Variants in DPP6 observed in about 807,000 individuals in gnomAD.
DPP6 encodes the protein dipeptidyl peptidase like 6, also known as A-type potassium channel modulatory protein DPP6.
A neutral mutation model predicts 122.6 loss-of-function variants in DPP6; 69 were observed. The observed-to-expected ratio is 0.56, with a 90% CI of 0.46 to 0.69. The LOEUF is 0.69. Among genes scored for constraint, DPP6 ranks in the 30% least tolerant of loss-of-function variants. DPP6 has a pLI of 0.00. For missense variants in DPP6, 928 were observed against 1,116.9 expected (o/e 0.83, Z 2.41); for synonymous variants, 418 against 433.1 (o/e 0.97, Z 0.43).
At chr7:153,881,456 A>C in the DPP6 span, among the ~76,000 whole-genome samples, 1 of 152,238 alleles carries the variant, frequency 6.6e-6, no homozygotes, top group Non-Finnish European at 1.5e-5. Flanking sequence ...TGGATGATCT[A>C]TAAATGGCTC....
In DPP6 at chr7:154,217,974, T is replaced by G. The variant is rs192118596; in HGVS notation, c.243+164911T>G. 1.5e-3 allele frequency among the ~76,000 whole-genome samples: 223 copies of G among 152,348 alleles called. 1 individual carries two copies. Among genetic ancestry groups the G allele is most frequent in the African/African-American group, 5.1e-3 (212 of 41,580 alleles). ...CTGTGATTCTGCGTCCTCCCTCTAC[T>G]GTGGTTTCCTGTCTCTGAAACCTTA... On this transcript the variant is annotated intron_variant, in intron 1 of 25. Coordinates refer to ENST00000377770, the MANE Select transcript of DPP6 (RefSeq NM_130797.4).
intron 1 of DPP6, among the ~76,000 whole-genome samples, chr7:154,273,535 A>G (rs1803933096): frequency 6.6e-6 from 1 of 152,190 alleles, no homozygotes; most frequent in Non-Finnish European, 1.5e-5. Context: ...ATACAGTCTT[A>G]TGGATGGGTT....
chr7:154,717,369 C>T (rs60230318), intron 7 of DPP6, among the ~76,000 whole-genome samples: 2,251 of 151,416 alleles, frequency 0.015, 44 homozygotes, highest in African/African-American at 0.052. Context: ...CCCCATTACC[C>T]ACTTGCACAC....
At chr7:154,598,144 A>G (rs758699059) in intron 5 of DPP6, among the ~76,000 whole-genome samples, 17 of 152,234 alleles carry the variant, frequency 1.1e-4, no homozygotes, top group Non-Finnish European at 2.4e-4. Context: ...ACAGACTTCT[A>G]TTAAAACAAT....
At chr7:154,382,072 CCT>C (rs1813665748) in intron 1 of DPP6, among the ~76,000 whole-genome samples, 1 of 57,938 alleles carries the variant, frequency 1.7e-5, no homozygotes, top group Admixed American at 2.2e-4. Context: ...CTTTTTTTTT[CCT>C]TTTTTTTTTT....
intron 16 of DPP6, among the ~76,000 whole-genome samples, chr7:154,840,116 T>G (rs368814899): frequency 3.9e-5 from 6 of 152,122 alleles, no homozygotes; most frequent in African/African-American, 1.4e-4. Flanking sequence ...GAAAAGCAGG[T>G]GATTTTGTAT....
chr7:153,781,994 A>G, the DPP6 span, among the ~76,000 whole-genome samples: 741 of 118,652 alleles, frequency 6.2e-3, 52 homozygotes, highest in African/African-American at 0.022. Context: ...ACACACACAC[A>G]CACACACACA....
chr7:154,568,742 C>T (rs1830926614), intron 5 of DPP6, among the ~76,000 whole-genome samples: 1 of 152,134 alleles, frequency 6.6e-6, no homozygotes, highest in Non-Finnish European at 1.5e-5. Context: ...CACTGGGCAG[C>T]ATCTGTCGGT....
At chr7:153,774,834 A>G in the DPP6 span, among the ~76,000 whole-genome samples, 21 of 152,052 alleles carry the variant, frequency 1.4e-4, no homozygotes, top group Admixed American at 1.4e-3. Context: ...ACGTGGTGAT[A>G]TGCACCCGCA....
At chr7:154,235,089 T>G (rs1226332780) in intron 1 of DPP6, among the ~76,000 whole-genome samples, 1 of 152,254 alleles carries the variant, frequency 6.6e-6, no homozygotes, top group Non-Finnish European at 1.5e-5. Flanking sequence ...TTGTTTAGCC[T>G]ATGCACAGAA....
the DPP6 span, among the ~76,000 whole-genome samples, chr7:153,856,054 T>A: frequency 6.6e-6 from 1 of 152,184 alleles, no homozygotes; most frequent in Non-Finnish European, 1.5e-5. Context: ...TCACATCATA[T>A]AAGCACAGCT....
chr7:153,927,952 G>T (rs1190144422), intron 1 of DPP6, among the ~76,000 whole-genome samples: 4 of 152,160 alleles, frequency 2.6e-5, no homozygotes, highest in African/African-American at 9.7e-5. Flanking sequence ...AGCTTCTGAA[G>T]ACCATGGGTT....
chr7:154,589,779 C>A (rs1048099916), intron 5 of DPP6, among the ~76,000 whole-genome samples: 1 of 152,236 alleles, frequency 6.6e-6, no homozygotes, highest in East Asian at 1.9e-4. Context: ...ACATCTTTAG[C>A]CTTCTTTGGC....
Position 154,806,979 on chromosome 7 carries a change from C to A in DPP6, c.1548-15C>A. 1.2e-6 allele frequency: 2 copies of A among 1,613,424 alleles called. No individual in the cohort carries two copies. The highest frequency in any genetic ancestry group is 2.2e-5 in the South Asian group (2 of 91,004). On this transcript the variant is annotated splice_polypyrimidine_tract_variant and intron_variant, in intron 15 of 25. Transcript: ENST00000377770. ...TCTCCGCCCACATTCACACCTGCGT[C>A]CTTTGCTCTTCCAGTGCCAACACGG... is the stretch of plus-strand genomic sequence containing the variant.
At chr7:153,843,217 A>C in the DPP6 span, among the ~76,000 whole-genome samples, 2 of 151,374 alleles carry the variant, frequency 1.3e-5, no homozygotes, top group Admixed American at 6.6e-5. Context: ...CACACACACA[A>C]ATGCATACAC....
At chr7:154,700,709 C>G (rs1047369170) in intron 7 of DPP6, among the ~76,000 whole-genome samples, 1 of 151,892 alleles carries the variant, frequency 6.6e-6, no homozygotes, top group African/African-American at 2.4e-5. Flanking sequence ...CAGGATAGGG[C>G]GGTGGCCCCT....
intron 1 of DPP6, among the ~76,000 whole-genome samples, chr7:154,128,412 CT>C (rs1355494122): frequency 6.6e-6 from 1 of 152,122 alleles, no homozygotes; most frequent in African/African-American, 2.4e-5. Flanking sequence ...GTCTATTTTT[CT>C]TTTTTTGAGA....
Position 154,483,619 on chromosome 7 carries a change from G to T in DPP6, c.457+8582G>T, listed in dbSNP as rs575714827. Among the ~76,000 whole-genome samples the T allele has an allele frequency of 6.6e-6, 1 of 152,336 alleles. No individual in the cohort carries two copies. The highest frequency in any genetic ancestry group is 1.9e-4 in the East Asian group (1 of 5,188). ...AGAAGTTAGTTGGGAGCTTCTGACT[G>T]GTTAGTCTTTAAGTTTCACTTTTCT... On this transcript the variant is annotated intron_variant, in intron 3 of 25. Coordinates refer to ENST00000377770, the MANE Select transcript of DPP6 (RefSeq NM_130797.4). This position sits in a 1 kb window ranked among gnomAD's most constrained non-coding sequence, Gnocchi z 8.1.
intron 1 of DPP6, among the ~76,000 whole-genome samples, chr7:154,327,165 C>A (rs2151029722): frequency 6.6e-6 from 1 of 151,992 alleles, no homozygotes; most frequent in Non-Finnish European, 1.5e-5. Context: ...GGCTTCCAGG[C>A]AAAGTGGAGA....
Sources: allele counts gnomAD v4.1 joint callset (sites outside exome capture counted in the v4.1 genomes callset), GRCh38; gene constraint gnomAD v4.1.1; non-coding constraint Gnocchi (gnomAD v3.1); transcripts MANE v1.5; gene names NCBI Gene and HGNC (gene_info 2026-07-23, HGNC 2026-07-21).